The following HEPHL1 variants were observed in gnomAD, a reference collection of about 807,000 sequenced individuals.
HEPHL1 encodes ferroxidase HEPHL1.
A neutral mutation model predicts 122.0 loss-of-function variants in HEPHL1; 123 were observed. The ratio of observed to expected loss-of-function variants is 1.01; its 90% CI spans 0.87 to 1.17. The LOEUF (loss-of-function observed/expected upper bound fraction) is 1.17, where lower values mean the gene tolerates loss of function less well. Among genes scored for constraint, HEPHL1 ranks in the 50% most tolerant of loss-of-function variants. The pLI, the probability that HEPHL1 is intolerant of heterozygous loss-of-function variation, is 0.00. For missense variants in HEPHL1, 1,452 were observed against 1,430.5 expected (o/e 1.01, Z -0.24); for synonymous variants, 527 against 508.9 (o/e 1.04, Z -0.48).
chr11:94,065,014 C>T (rs760906250), intron 4 of HEPHL1, among the ~76,000 whole-genome samples: 1 of 152,150 alleles, frequency 6.6e-6, no homozygotes, highest in Non-Finnish European at 1.5e-5. Flanking sequence ...TTCTTTACAT[C>T]AACAAAATTT....
At position 94,105,991 on chromosome 11, in the gene HEPHL1, C is replaced by A. The variant is rs765054403; in HGVS notation, c.2906C>A (p.Ala969Asp). The change falls in exon 17 of 20, where the codon GCC becomes GAC. Residue 969 changes from alanine (A) to aspartate (D), a missense_variant and splice_region_variant. Ala to Asp is a moderately radical substitution (Grantham distance 126). Transcript: ENST00000315765. ...GTTATTTTCTTATCACCTTTTAAAG[C>A]CATTAATGGAAAGATTTTTGGGAAT... ...DDFEESNRMH[A>D]INGKIFGNLH... The A allele has an allele frequency of 7.7e-6, 12 of 1,562,052 alleles. No individual in the cohort carries two copies. The Admixed American group carries it at 1.8e-4, about 23-fold the overall frequency.
intron 1 of HEPHL1, among the ~76,000 whole-genome samples, chr11:94,044,268 C>T (rs2134414704): frequency 6.6e-6 from 1 of 152,238 alleles, no homozygotes; most frequent in South Asian, 2.1e-4. Flanking sequence ...GGCATCTGGT[C>T]ATCTCAAGTC....
Position 94,112,504 on chromosome 11 carries a change from TA to T in HEPHL1, c.*615del, listed in dbSNP as rs968149603. On this transcript the variant is annotated 3_prime_UTR_variant, in exon 20 of 20. Transcript: ENST00000315765. ...TAAATAGCCTGTGCAGTGCTTGTTT[TA>T]AAAAGCAAAGTTATACGTTTTTTAA... is the stretch of plus-strand genomic sequence containing the variant. 1.3e-5 allele frequency: 2 copies of T among 152,266 alleles called. No homozygotes were observed. The highest frequency in any genetic ancestry group is 4.8e-5 in the African/African-American group (2 of 41,472). The allele number at this position is 152,266 out of a possible 1,614,324, so 9.4% of individuals were successfully genotyped here. A position where few individuals can be genotyped will look rare whatever the true frequency, so the allele number is the denominator to read the frequency against.
At chr11:94,106,450 G>T (rs1169385633) in intron 17 of HEPHL1, among the ~76,000 whole-genome samples, 1 of 151,806 alleles carries the variant, frequency 6.6e-6, no homozygotes, top group Non-Finnish European at 1.5e-5. Flanking sequence ...GTCCCACCAC[G>T]CCTGGCTAAT....
intron 2 of HEPHL1, among the ~76,000 whole-genome samples, chr11:94,060,092 TTATATATA>T (rs1164147552): frequency 0.029 from 74 of 2,548 alleles, 2 homozygotes; most frequent in Admixed American, 0.03. Flanking sequence ...TCATATTTTA[TTATATATA>T]TATATATATA....
chr11:94,034,698 CA>C (rs1945705410), intron 1 of HEPHL1, among the ~76,000 whole-genome samples: 1 of 152,080 alleles, frequency 6.6e-6, no homozygotes, highest in Non-Finnish European at 1.5e-5. Context: ...TAAAACTTCA[CA>C]AAGAAAGTCC....
chr11:94,074,070 T>C (rs565486631), intron 8 of HEPHL1, among the ~76,000 whole-genome samples: 1 of 152,074 alleles, frequency 6.6e-6, no homozygotes, highest in Non-Finnish European at 1.5e-5. Context: ...TTGGTACTCA[T>C]CCCTATTACT....
intron 1 of HEPHL1, among the ~76,000 whole-genome samples, chr11:94,033,016 A>G (rs1185414969): frequency 1.3e-5 from 2 of 152,184 alleles, no homozygotes; most frequent in Non-Finnish European, 2.9e-5. Flanking sequence ...TGCCAAGGGA[A>G]GAATCAGGGG....
intron 2 of HEPHL1, among the ~76,000 whole-genome samples, chr11:94,047,333 A>G (rs1330178118): frequency 6.6e-6 from 1 of 151,964 alleles, no homozygotes; most frequent in Non-Finnish European, 1.5e-5. Context: ...CCCATTAGTT[A>G]TTTTTCCTGA....
At chr11:94,106,385 C>T (rs757158467) in intron 17 of HEPHL1, among the ~76,000 whole-genome samples, 3 of 151,518 alleles carry the variant, frequency 2.0e-5, no homozygotes, top group Non-Finnish European at 2.9e-5. Context: ...CTCCACCTCC[C>T]GGGTTCATGT....
intron 14 of HEPHL1, among the ~76,000 whole-genome samples, chr11:94,102,597 T>C (rs1442218406): frequency 6.6e-6 from 1 of 152,182 alleles, no homozygotes; most frequent in African/African-American, 2.4e-5. Context: ...AGGACAGCTC[T>C]TGGGAAGGAG....
At chr11:94,027,498 C>A (rs1332158058) in intron 1 of HEPHL1, among the ~76,000 whole-genome samples, 6 of 152,168 alleles carry the variant, frequency 3.9e-5, no homozygotes, top group Admixed American at 3.9e-4. Flanking sequence ...TCTTTTCTAA[C>A]AAAGCTTTAC....
chr11:94,088,736 C>T lies in HEPHL1; in HGVS notation c.2081-19C>T, dbSNP rs768361591. On this transcript the variant is annotated intron_variant, in intron 11 of 19. Coordinates refer to ENST00000315765, the MANE Select transcript of HEPHL1 (RefSeq NM_001098672.2). ...AAATACCGAGCACCACACTCAATGC[C>T]GAGCCATTTCTCTTGCAGGTATTTT... The T allele has an allele frequency of 2.5e-6, 4 of 1,595,864 alleles. No homozygotes were observed. Among genetic ancestry groups the T allele is most frequent in the South Asian group, 1.1e-5 (1 of 89,790 alleles).
chr11:94,083,386 T>C (rs746284304), intron 10 of HEPHL1, among the ~76,000 whole-genome samples: 2 of 152,176 alleles, frequency 1.3e-5, no homozygotes, highest in Admixed American at 6.5e-5. Flanking sequence ...AGTGTTACAA[T>C]AGCAAACCAC....
In HEPHL1 at chr11:94,110,902, G is replaced by T; in HGVS notation, c.3046-1G>T. 1.2e-6 allele frequency: 2 copies of T among 1,608,434 alleles called. No homozygotes were observed. Among genetic ancestry groups the T allele is most frequent in the South Asian group, 2.2e-5 (2 of 90,268 alleles). ...TGTTGTTTTTTAAAACGTTTTTGCA[G>T]ATAGATAAATCTTACCGAGAAGATG... On this transcript the variant is annotated splice_acceptor_variant, in intron 17 of 19. Transcript: ENST00000315765. LOFTEE classifies it high-confidence loss of function.
chr11:94,023,034 G>T (rs1322711452), intron 1 of HEPHL1, among the ~76,000 whole-genome samples: 1 of 152,110 alleles, frequency 6.6e-6, no homozygotes, highest in Admixed American at 6.6e-5. Flanking sequence ...CATTTATTCT[G>T]ACCCAAAAAT....
Position 94,081,875 on chromosome 11 carries a change from T to C in HEPHL1, c.1717-543T>C, listed in dbSNP as rs149291355. ...AGTGAGTGAGTTTCTGGGCAGAAGATGGAGATAAGTTTAGAAGGATGGTTA... is the reference window on the plus strand; with the variant it reads ...AGTGAGTGAGTTTCTGGGCAGAAGACGGAGATAAGTTTAGAAGGATGGTTA... On this transcript the variant is annotated intron_variant, in intron 9 of 19. Transcript: ENST00000315765. Among the ~76,000 whole-genome samples, 261 of 152,160 alleles carry C rather than the reference T, an allele frequency of 1.7e-3. 2 individuals are homozygous for C. Among genetic ancestry groups the C allele is most frequent in the African/African-American group, 5.8e-3 (241 of 41,510 alleles).
At chr11:94,047,416 GT>G (rs1223765699) in intron 2 of HEPHL1, among the ~76,000 whole-genome samples, 2 of 151,604 alleles carry the variant, frequency 1.3e-5, no homozygotes, top group Non-Finnish European at 3.0e-5. Context: ...GTTTCCATGT[GT>G]TCTCATAATT....
intron 6 of HEPHL1, 32 bp from the exon 7 acceptor site, chr11:94,072,993 G>A: frequency 6.3e-7 from 1 of 1,598,740 alleles, no homozygotes; most frequent in Non-Finnish European, 8.6e-7. Context: ...ATGTTGAGAA[G>A]TGTCCTCAAT....
Sources: allele counts gnomAD v4.1 joint callset (sites outside exome capture counted in the v4.1 genomes callset), GRCh38; gene constraint gnomAD v4.1.1; transcripts MANE v1.5; gene names NCBI Gene and HGNC (gene_info 2026-07-23, HGNC 2026-07-21).